PCM1: variants seen among roughly 807,000 people sequenced by gnomAD.
PCM1 encodes the protein pericentriolar material 1.
Under a neutral mutation model 241.9 loss-of-function variants are expected in PCM1, and 157 were observed. The observed-to-expected ratio is 0.65, with a 90% CI of 0.57 to 0.74. PCM1 has a LOEUF of 0.74. Among genes scored for constraint, PCM1 ranks in the 30% least tolerant of loss-of-function variants. The pLI is 0.00. For missense variants in PCM1, 3,478 were observed against 2,360.1 expected, an observed-to-expected ratio of 1.47 and a Z score of -9.81; for synonymous variants, 1,085 against 784.9, an observed-to-expected ratio of 1.38 and a Z score of -6.39.
Position 18,027,898 on chromosome 8 carries a change from A to AGGT in PCM1, c.*236_*237insGGT, listed in dbSNP as rs2094343186. ...TTTCCCCCTTCTTTTTTGGGTCTTC[A>AGGT]TTTTTTTCCCCATTGTGATGTTTGG... On this transcript the variant is annotated 3_prime_UTR_variant, in exon 39 of 39. Transcript: ENST00000325083. 2.7e-6 allele frequency: 1 copy of AGGT among 373,570 alleles called. No individual in the cohort carries two copies. Among genetic ancestry groups the AGGT allele is most frequent in the African/African-American group, 2.2e-5 (1 of 46,236 alleles). The allele number at this position is 373,570 out of a possible 1,614,324, so 23.1% of individuals were successfully genotyped here. A position where few individuals can be genotyped will look rare whatever the true frequency, so the allele number is the denominator to read the frequency against.
chr8:17,986,279 C>G (rs1402389256), intron 26 of PCM1, 192 bp downstream of exon 26: 2 of 401,656 alleles, frequency 5.0e-6, no homozygotes, highest in Non-Finnish European at 8.8e-6. Context: ...GTAGCAAACA[C>G]CAAAAATTAT....
At chr8:17,969,257 T>G (rs1173318485) in intron 21 of PCM1, among the ~76,000 whole-genome samples, 1 of 152,058 alleles carries the variant, frequency 6.6e-6, no homozygotes, top group Non-Finnish European at 1.5e-5. Context: ...GTTACTTGGT[T>G]TTAAGTATTA....
At chr8:17,957,140 A>T in intron 11 of PCM1, 124 bp from the exon 12 acceptor site, 1 of 710,354 alleles carries the variant, frequency 1.4e-6, no homozygotes, top group Non-Finnish European at 2.3e-6. Context: ...ATTCAATTTG[A>T]ATTTAAATGG....
rs1183903031 is a variant in PCM1, at chr8:18,014,850, A to C, written c.5841+10A>C. On this transcript the variant is annotated intron_variant, in intron 36 of 38. Coordinates refer to ENST00000325083, the MANE Select transcript of PCM1 (RefSeq NM_006197.4). Reference sequence around the variant, plus strand: ...GTTAGTGAATGACTATGTATGTATCATTTACATTTCCAAATATTTTTACTT... The same window carrying C: ...GTTAGTGAATGACTATGTATGTATCCTTTACATTTCCAAATATTTTTACTT... 4 of 1,562,044 alleles carry C rather than the reference A, an allele frequency of 2.6e-6. No individual in the cohort carries two copies. Among genetic ancestry groups the C allele is most frequent in the Non-Finnish European group, 3.5e-6 (4 of 1,155,712 alleles).
chr8:17,935,454 T>C (rs2060144270), intron 2 of PCM1, 135 bp from the exon 3 acceptor site: 1 of 578,320 alleles, frequency 1.7e-6, no homozygotes, highest in Non-Finnish European at 3.1e-6. Context: ...TTGTCTGTGA[T>C]GTGGTTGACA....
intron 2 of PCM1, chr8:17,925,915 C>G (rs566235205): frequency 1.3e-5 from 2 of 152,048 alleles, no homozygotes; most frequent in South Asian, 4.2e-4. Context: ...TTTTATAGCT[C>G]TCCTATGAGG....
At chr8:18,015,980 C>T (rs1564407229) in intron 36 of PCM1, among the ~76,000 whole-genome samples, 1 of 152,220 alleles carries the variant, frequency 6.6e-6, no homozygotes, top group African/African-American at 2.4e-5. Flanking sequence ...CCTCTGCCTC[C>T]TGGGTTCAGG....
chr8:18,026,880 T>C (rs371087572), intron 38 of PCM1, among the ~76,000 whole-genome samples: 1 of 152,238 alleles, frequency 6.6e-6, no homozygotes, highest in African/African-American at 2.4e-5. Flanking sequence ...GGCTATTATA[T>C]ACGCTTACAT....
chr8:18,016,030 A>G (rs1431116872), intron 36 of PCM1, among the ~76,000 whole-genome samples: 1 of 152,208 alleles, frequency 6.6e-6, no homozygotes, highest in Non-Finnish European at 1.5e-5. Flanking sequence ...CTGGGATTAC[A>G]GACGTGTGTC....
chr8:17,970,460 A>G (rs183616800), intron 22 of PCM1, among the ~76,000 whole-genome samples: 9 of 151,680 alleles, frequency 5.9e-5, no homozygotes, highest in East Asian at 1.9e-4. Context: ...CGATTAACCA[A>G]TAACTCTGAG....
chr8:18,008,434 A>G (rs973769579), intron 30 of PCM1, among the ~76,000 whole-genome samples: 3 of 151,972 alleles, frequency 2.0e-5, no homozygotes, highest in Non-Finnish European at 2.9e-5. Context: ...TTATTTCACT[A>G]TATGTTACAG....
At chr8:17,935,102 T>G (rs2060055752) in intron 2 of PCM1, among the ~76,000 whole-genome samples, 1 of 152,224 alleles carries the variant, frequency 6.6e-6, no homozygotes, top group African/African-American at 2.4e-5. Flanking sequence ...ACCTTCCTGT[T>G]AAAACCAAAA....
intron 30 of PCM1, among the ~76,000 whole-genome samples, chr8:18,009,243 C>A (rs1403623057): frequency 6.6e-6 from 1 of 152,108 alleles, no homozygotes; most frequent in Non-Finnish European, 1.5e-5. Flanking sequence ...ATTGTATCTC[C>A]TGTACTGTCA....
intron 21 of PCM1, 85 bp from the exon 22 acceptor site, chr8:17,969,492 G>T: frequency 1.0e-6 from 1 of 998,536 alleles, no homozygotes; most frequent in Non-Finnish European, 1.5e-6. Flanking sequence ...TGAATGACAT[G>T]TTTAATTAAA....
chr8:17,966,150 A>G lies in PCM1; in HGVS notation c.3007A>G (p.Ile1003Val). ...VEEKEQWQEQ[I>V]NQLKKQLDFS... ...AGAGAAAGAACAATGGCAAGAACAA[A>G]TCAATCAGCTAAAGAAACAGCTTGA... Residue 1003 changes from isoleucine (I) to valine (V), a missense_variant, in exon 19 of 39, where the codon ATC (isoleucine) becomes GTC (valine). Ile to Val is a conservative substitution (Grantham distance 29). Transcript: ENST00000325083. 1 of 1,613,974 alleles carries G rather than the reference A, an allele frequency of 6.2e-7. No homozygotes were observed. Among genetic ancestry groups the G allele is most frequent in the Non-Finnish European group, 8.5e-7 (1 of 1,179,878 alleles).
At chr8:17,940,166 G>T (rs2061600087) in intron 6 of PCM1, 1 of 1,428,868 alleles carries the variant, frequency 7.0e-7, no homozygotes, top group Non-Finnish European at 9.5e-7. Context: ...ACGGTAAGCG[G>T]CTTTTTGGTA....
chr8:18,013,422 C>G (rs1747572641), intron 34 of PCM1, among the ~76,000 whole-genome samples: 1 of 152,186 alleles, frequency 6.6e-6, no homozygotes, highest in Admixed American at 6.5e-5. Context: ...AGTTTAATTT[C>G]TCTAAAATAT....
intron 4 of PCM1, 106 bp downstream of exon 4, chr8:17,937,485 T>TA (rs374934681): frequency 1.6e-5 from 17 of 1,053,556 alleles, no homozygotes; most frequent in African/African-American, 8.3e-5. Flanking sequence ...ATGTAATTTT[T>TA]AAAAAAAGTT....
At chr8:17,980,455 G>C in intron 23 of PCM1, 136 bp from the exon 24 acceptor site, 1 of 603,242 alleles carries the variant, frequency 1.7e-6, no homozygotes, top group South Asian at 2.9e-5. Context: ...CATATTTACT[G>C]TTTTGTATTC....
Sources: gnomAD v4.1 joint callset for allele counts (sites outside exome capture counted in the v4.1 genomes callset) on GRCh38, gnomAD v4.1.1 for gene constraint, MANE v1.5 for transcripts, NCBI Gene and HGNC (gene_info 2026-07-23, HGNC 2026-07-21) for gene names.